Variants in KCNQ1 observed in about 807,000 individuals in gnomAD.
KCNQ1 encodes the protein potassium voltage-gated channel subfamily Q member 1, also known as potassium voltage-gated channel subfamily KQT member 1.
KCNQ1 carries 49 observed loss-of-function variants against 72.4 expected under a neutral mutation model. The observed-to-expected ratio is 0.68, with a 90% CI of 0.54 to 0.86. The LOEUF (loss-of-function observed/expected upper bound fraction) is 0.86. Ranked by LOEUF, KCNQ1 falls within the 40% of genes least tolerant of loss-of-function variation. The pLI is 0.00. For missense variants in KCNQ1, 790 were observed against 945.1 expected (o/e 0.84, Z 2.15); for synonymous variants, 450 against 412.6 (o/e 1.09, Z -1.10).
intron 15 of KCNQ1, chr11:2,840,364 T>TGATACACAAAAAGGACATTCTAATCCA (rs1564912965): frequency 3.3e-5 from 5 of 152,230 alleles, no homozygotes; most frequent in Non-Finnish European, 7.3e-5. Context: ...TCAGGGTCGA[T>TGATACACAAAAAGGACATTCTAATCCA]GATACACAAA....
rs940506997 is a variant in KCNQ1, at chr11:2,621,211, C to G, written c.1393+32357C>G. 5.0e-6 allele frequency: 2 copies of G among 397,832 alleles called. No individual in the cohort carries two copies. 24.6% of individuals were successfully genotyped at this position (397,832 alleles called of 1,614,324 possible). A position where few individuals can be genotyped will look rare whatever the true frequency, so the allele number is the denominator to read the frequency against. On this transcript the variant is annotated intron_variant, in intron 10 of 15. Transcript: ENST00000155840. This position sits in a 1 kb window ranked among gnomAD's most constrained non-coding sequence, Gnocchi z 5.7. Reference sequence around the variant, plus strand: ...CAGGATGGTCTCGAATACCTGACCCCAGATGATCCACGCACCTCAGCCTCC... The same window carrying G: ...CAGGATGGTCTCGAATACCTGACCCGAGATGATCCACGCACCTCAGCCTCC...
intron 1 of KCNQ1, among the ~76,000 whole-genome samples, chr11:2,520,447 T>C (rs1847361479): frequency 6.6e-6 from 1 of 152,168 alleles, no homozygotes; most frequent in Non-Finnish European, 1.5e-5. Flanking sequence ...CAGGTGAACC[T>C]GTGGGGACCT....
chr11:2,455,631 A>G (rs1162638014), intron 1 of KCNQ1, among the ~76,000 whole-genome samples: 1 of 152,260 alleles, frequency 6.6e-6, no homozygotes, highest in Non-Finnish European at 1.5e-5. Flanking sequence ...TAAAATGGCC[A>G]TACGGCCCAA....
At chr11:2,758,895 A>G (rs1452174385) in intron 11 of KCNQ1, among the ~76,000 whole-genome samples, 2 of 152,126 alleles carry the variant, frequency 1.3e-5, no homozygotes, top group Admixed American at 1.3e-4. Context: ...GGGAATGGTG[A>G]GGGTGGGAGT....
At position 2,509,378 on chromosome 11, in the gene KCNQ1, T is replaced by G. The variant is rs1847156471; in HGVS notation, c.387-18550T>G. ...CACCCCTTGCCTGGCAAACCCCATC[T>G]TCCTGTCCAAAGCCAGACTTGGCTC... On this transcript the variant is annotated intron_variant, in intron 1 of 15. Coordinates refer to ENST00000155840, the MANE Select transcript of KCNQ1 (RefSeq NM_000218.3). The surrounding 1 kb of genome is among the most constrained non-coding windows in gnomAD (Gnocchi z 6.3). 6.6e-6 allele frequency among the ~76,000 whole-genome samples: 1 copy of G among 152,168 alleles called. No homozygotes were observed. Among genetic ancestry groups the G allele is most frequent in the African/African-American group, 2.4e-5 (1 of 41,440 alleles).
rs1380136719 is a variant in KCNQ1, at chr11:2,848,028, G to T, written c.*25G>T. 6.6e-7 allele frequency: 1 copy of T among 1,526,266 alleles called. No individual in the cohort carries two copies. The highest frequency in any genetic ancestry group is 8.8e-7 in the Non-Finnish European group (1 of 1,132,902). 94.5% of individuals were successfully genotyped at this position (1,526,266 alleles called of 1,614,324 possible). A position where few individuals can be genotyped will look rare whatever the true frequency, so the allele number is the denominator to read the frequency against. ...AGGAGGGGATGGGGCTGGGGGATGG[G>T]CCTGAGTGAGAGGGGAGGCCAAGAG... is the stretch of plus-strand genomic sequence containing the variant. On this transcript the variant is annotated 3_prime_UTR_variant, in exon 16 of 16. Transcript: ENST00000155840.
chr11:2,797,384 C>T (rs1355721410), intron 15 of KCNQ1, among the ~76,000 whole-genome samples: 1 of 152,236 alleles, frequency 6.6e-6, no homozygotes, highest in Non-Finnish European at 1.5e-5. Context: ...CTGACGGGGC[C>T]AGGAGGCTGA....
In KCNQ1 at chr11:2,612,297, C is replaced by T; in HGVS notation, c.1393+23443C>T. ...GCATGTGAGGGATCTAGGTTGTGCA[C>T]TCCGTATGAGAATCTAACTAAAGCC... On this transcript the variant is annotated intron_variant, in intron 10 of 15. Transcript: ENST00000155840. This position sits in a 1 kb window ranked among gnomAD's most constrained non-coding sequence, Gnocchi z 5.5. The T allele has an allele frequency of 2.5e-6, 1 of 398,612 alleles. No homozygotes were observed. The allele number at this position is 398,612 out of a possible 1,614,324, so 24.7% of individuals were successfully genotyped here.
chr11:2,651,716 A>C lies in KCNQ1; in HGVS notation c.1394-10245A>C. ...GTAATAGGCCATTTCCTAAGTAAGC[A>C]TCATCCTCATTTCTATACGTTTTCT... On this transcript the variant is annotated intron_variant, in intron 10 of 15. Transcript: ENST00000155840. This position sits in a 1 kb window ranked among gnomAD's most constrained non-coding sequence, Gnocchi z 6.1. 1 of 398,572 alleles carries C rather than the reference A, an allele frequency of 2.5e-6. No homozygotes were observed. Among genetic ancestry groups the C allele is most frequent in the Non-Finnish European group, 4.4e-6 (1 of 226,058 alleles). The allele number at this position is 398,572 out of a possible 1,614,324, so 24.7% of individuals were successfully genotyped here.
intron 2 of KCNQ1, among the ~76,000 whole-genome samples, chr11:2,552,855 A>G (rs1169148324): frequency 6.6e-6 from 1 of 152,068 alleles, no homozygotes; most frequent in African/African-American, 2.4e-5. Flanking sequence ...CGTCTTAGTA[A>G]TACCGAGTTT....
chr11:2,643,483 T>C (rs187635008), intron 10 of KCNQ1: 26 of 398,312 alleles, frequency 6.5e-5, no homozygotes, highest in Non-Finnish European at 1.2e-4. Flanking sequence ...TCCTGTTTGG[T>C]TTTTGTTTCC....
chr11:2,755,484 C>T (rs990460378), intron 11 of KCNQ1, among the ~76,000 whole-genome samples: 2 of 152,172 alleles, frequency 1.3e-5, no homozygotes, highest in African/African-American at 4.8e-5. Context: ...AACTCCTGGC[C>T]TTAAGTGAGC....
At chr11:2,641,377 T>C in intron 10 of KCNQ1, 1 of 398,376 alleles carries the variant, frequency 2.5e-6, no homozygotes, top group Non-Finnish European at 4.4e-6. Context: ...ATTTCCCTTA[T>C]AATTACTGAT....
rs1393409786 is a variant in KCNQ1, at chr11:2,766,589, C to T, written c.1515-2255C>T. ...AGGAACCACAATGGATTGTGCCCAT[C>T]TTTAATTAATCACAGTCTGCCCTCT... On this transcript the variant is annotated intron_variant, in intron 11 of 15. Coordinates refer to ENST00000155840, the MANE Select transcript of KCNQ1 (RefSeq NM_000218.3). This position sits in a 1 kb window ranked among gnomAD's most constrained non-coding sequence, Gnocchi z 4.4. Among the ~76,000 whole-genome samples, 1 of 152,182 alleles carries T rather than the reference C, an allele frequency of 6.6e-6. No individual in the cohort carries two copies. The highest frequency in any genetic ancestry group is 1.5e-5 in the Non-Finnish European group (1 of 68,012).
rs1020926101 is a variant in KCNQ1, at chr11:2,559,572, G to A, written c.478-11056G>A. ...ACCCACTTGCAGGGCCCGGCTGCCC[G>A]GTGGATGGGAACGGCCATCCCCATG... On this transcript the variant is annotated intron_variant, in intron 2 of 15. Coordinates refer to ENST00000155840, the MANE Select transcript of KCNQ1 (RefSeq NM_000218.3). This position sits in a 1 kb window ranked among gnomAD's most constrained non-coding sequence, Gnocchi z 4.9. 1.8e-4 allele frequency among the ~76,000 whole-genome samples: 27 copies of A among 152,178 alleles called. No homozygotes were observed. Among genetic ancestry groups the A allele is most frequent in the Non-Finnish European group, 1.8e-4 (12 of 68,022 alleles).
At position 2,683,671 on chromosome 11, in the gene KCNQ1, T is replaced by A. The variant is rs1255203657; in HGVS notation, c.1514+21590T>A. The A allele has an allele frequency of 2.5e-5, 10 of 398,504 alleles. No individual in the cohort carries two copies. The highest frequency in any genetic ancestry group is 1.4e-4 in the East Asian group (4 of 28,092). 24.7% of individuals were successfully genotyped at this position (398,504 alleles called of 1,614,324 possible). On this transcript the variant is annotated intron_variant, in intron 11 of 15. Transcript: ENST00000155840. This position sits in a 1 kb window ranked among gnomAD's most constrained non-coding sequence, Gnocchi z 4.7. ...AACATCCCTTACTTTCCCATCTCAA[T>A]ACAACTGTGAAAAGCCTAGCCTGGG...
intron 1 of KCNQ1, among the ~76,000 whole-genome samples, chr11:2,469,589 A>G (rs527806150): frequency 4.6e-5 from 7 of 150,894 alleles, no homozygotes; most frequent in Non-Finnish European, 8.9e-5. Context: ...ACATGTTTCT[A>G]TATTCTGGAC....
At chr11:2,681,692 G>A (rs181903865) in intron 11 of KCNQ1, 54 of 336,752 alleles carry the variant, frequency 1.6e-4, no homozygotes, top group African/African-American at 8.3e-4. Context: ...CCAGGCTGCC[G>A]TTGCTTCCCA....
chr11:2,844,988 A>G (rs1848292271), intron 15 of KCNQ1, among the ~76,000 whole-genome samples: 1 of 152,006 alleles, frequency 6.6e-6, no homozygotes, highest in Admixed American at 6.6e-5. Context: ...GCCCTCAAAG[A>G]CCCACGCTGG....
Sources: allele counts gnomAD v4.1 joint callset (sites outside exome capture counted in the v4.1 genomes callset), GRCh38; gene constraint gnomAD v4.1.1; non-coding constraint Gnocchi (gnomAD v3.1); transcripts MANE v1.5; gene names NCBI Gene and HGNC (gene_info 2026-07-23, HGNC 2026-07-21).